Variants in XRN1 observed in about 807,000 individuals in gnomAD.
XRN1 encodes 5'-3' exoribonuclease 1, also known as strand-exchange protein 1 homolog.
Under a neutral mutation model 222.3 loss-of-function variants are expected in XRN1, and 67 were observed. That is an observed-to-expected ratio of 0.30 (90% CI 0.25 to 0.37). The LOEUF (loss-of-function observed/expected upper bound fraction) is 0.37. Among genes scored for constraint, XRN1 ranks in the 10% least tolerant of loss-of-function variants. The probability of loss-of-function intolerance (pLI) is 1.00; values close to 1 mark genes in which losing one functional copy is unlikely to be tolerated. For synonymous variants in XRN1, 643 were observed against 652.4 expected, an observed-to-expected ratio of 0.99 and a Z score of 0.22; for missense variants, 1,707 against 2,000.2, an observed-to-expected ratio of 0.85 and a Z score of 2.80.
chr3:142,432,911 A>C lies in XRN1; in HGVS notation c.76-18T>G. On this transcript the variant is annotated intron_variant, in intron 1 of 40. Coordinates refer to ENST00000392981, the MANE Select transcript of XRN1 (RefSeq NM_001282857.2). ...TCAGGAATCTGAAAAACAAAGAAAA[A>C]TGCTTGAGATCATTTATTTTAATCA... The C allele has an allele frequency of 6.4e-7, 1 of 1,562,816 alleles. No homozygotes were observed. The highest frequency in any genetic ancestry group is 1.1e-5 in the South Asian group (1 of 87,646).
rs535210388 is a variant in XRN1, at chr3:142,394,617, C to T, written c.2339+2712G>A. 2.0e-5 allele frequency among the ~76,000 whole-genome samples: 3 copies of T among 152,320 alleles called. No homozygotes were observed. In the South Asian group the frequency reaches 6.2e-4, roughly 32 times the overall value. ...GCTTTCCCCATGCCAAACACACAAA[C>T]CAACTTATATTTGCTTCCCATACTG... On this transcript the variant is annotated intron_variant, in intron 20 of 40. Transcript: ENST00000392981.
At chr3:142,420,900 A>G (rs2069000713) in intron 10 of XRN1, 116 bp downstream of exon 10, 1 of 1,322,046 alleles carries the variant, frequency 7.6e-7, no homozygotes, top group Non-Finnish European at 1.1e-6. Flanking sequence ...GCCTATAGAG[A>G]GGAAGAGAAA....
intron 33 of XRN1, among the ~76,000 whole-genome samples, chr3:142,340,771 A>G (rs1001762892): frequency 6.6e-6 from 1 of 152,220 alleles, no homozygotes; most frequent in Non-Finnish European, 1.5e-5. Context: ...GTGGCATGAC[A>G]TATTTAAAGA....
intron 29 of XRN1, among the ~76,000 whole-genome samples, chr3:142,363,666 GTTTACTCTAGCTTTGTAAAT>G (rs1179145457): frequency 3.9e-4 from 27 of 68,508 alleles, no homozygotes; most frequent in East Asian, 7.1e-4. Context: ...GCTTTGTAAA[GTTTACTCTAGCTTTGTAAAT>G]TTTACTCTAG....
At chr3:142,379,962 G>C (rs2067253541) in intron 23 of XRN1, 120 bp downstream of exon 23, 1 of 749,144 alleles carries the variant, frequency 1.3e-6, no homozygotes, top group Non-Finnish European at 2.1e-6. Context: ...AACTGGGAGA[G>C]AGAATCTAAT....
In XRN1 at chr3:142,426,829, C is replaced by T. The variant is rs1455485080; in HGVS notation, c.321G>A (p.Glu107=). 5.0e-6 allele frequency: 8 copies of T among 1,613,288 alleles called. No individual in the cohort carries two copies. ...QRGRRFRSAK[E]AEDKIKKAIE... ...TTGCCTTTTTAATTTTGTCTTCTGC[C>T]TCCTTTGCTGACCTTAAAGGTTAAG... The change falls in exon 3 of 41, where the codon GAG becomes GAA. Residue 107 remains glutamate, a synonymous_variant. Coordinates refer to ENST00000392981, the MANE Select transcript of XRN1 (RefSeq NM_001282857.2).
chr3:142,364,012 C>A (rs771841034), intron 29 of XRN1, among the ~76,000 whole-genome samples: 2 of 152,204 alleles, frequency 1.3e-5, no homozygotes, highest in Admixed American at 1.3e-4. Context: ...TACAGAACCA[C>A]TGTTCAAATT....
At position 142,418,869 on chromosome 3, in the gene XRN1, A is replaced by C; in HGVS notation, c.1186T>G (p.Ser396Ala). 1 of 1,613,942 alleles carries C rather than the reference A, an allele frequency of 6.2e-7. No homozygotes were observed. Among genetic ancestry groups the C allele is most frequent in the Non-Finnish European group, 8.5e-7 (1 of 1,179,902 alleles). The part of the protein sequence containing the change: ...EKKKLKGQEN[S>A]LCWTALDKNE... ...TTGTCTAAAGCAGTCCAACACAGAG[A>C]ATTTTCCTGGCCCTGTAAATTGTAA... The change falls in exon 11 of 41, where the codon TCT (serine) becomes GCT (alanine). Residue 396 changes from serine to alanine, a missense_variant. Physicochemically the swap from Ser to Ala is moderately conservative, Grantham distance 99. Around this residue, in one of 2 missense-constraint regions of XRN1, gnomAD observed 1,234 missense variants for 1,518.2 expected, o/e 0.81. Transcript: ENST00000392981.
chr3:142,437,491 T>C (rs1190525341), intron 1 of XRN1, among the ~76,000 whole-genome samples: 2 of 152,204 alleles, frequency 1.3e-5, no homozygotes, highest in African/African-American at 4.8e-5. Context: ...CATAGGATAC[T>C]ACAAATCCTT....
chr3:142,409,173 T>C (rs915670645), intron 15 of XRN1, among the ~76,000 whole-genome samples: 3 of 152,218 alleles, frequency 2.0e-5, no homozygotes, highest in Non-Finnish European at 2.9e-5. Flanking sequence ...TAGCATCTTT[T>C]GATAAATGGA....
intron 10 of XRN1, among the ~76,000 whole-genome samples, chr3:142,420,620 T>C (rs1430471258): frequency 1.3e-5 from 2 of 151,930 alleles, no homozygotes; most frequent in African/African-American, 4.8e-5. Flanking sequence ...AATCCACCCA[T>C]TTTGCCTCCC....
chr3:142,326,901 T>C (rs1485196119), intron 37 of XRN1, among the ~76,000 whole-genome samples: 2 of 152,172 alleles, frequency 1.3e-5, no homozygotes, highest in African/African-American at 2.4e-5. Flanking sequence ...TGTTCTTCAT[T>C]TTGTTGATGT....
chr3:142,443,148 C>T (rs927031152), intron 1 of XRN1, among the ~76,000 whole-genome samples: 30 of 152,130 alleles, frequency 2.0e-4, no homozygotes, highest in East Asian at 1.9e-4. Context: ...TAAGATCTAC[C>T]GCGGACCCCT....
chr3:142,355,643 T>C, intron 31 of XRN1, 147 bp from the exon 32 acceptor site: 1 of 505,384 alleles, frequency 2.0e-6, no homozygotes. Flanking sequence ...CTTACTCATG[T>C]GGGGTCTTGC....
At chr3:142,363,686 T>G (rs368596893) in intron 29 of XRN1, among the ~76,000 whole-genome samples, 246 of 144,302 alleles carry the variant, frequency 1.7e-3, no homozygotes, top group African/African-American at 5.0e-3. Flanking sequence ...GCTTTGTAAA[T>G]TTTACTCTAG....
rs748784533 is a variant in XRN1, at chr3:142,332,949, T to C, written c.4062+18A>G. Reference sequence around the variant, plus strand: ...TCGAGAAATTACCACAGTAAGAAAGTTCCTACAAAATACGAACCATGGCAA... The same window carrying C: ...TCGAGAAATTACCACAGTAAGAAAGCTCCTACAAAATACGAACCATGGCAA... On this transcript the variant is annotated intron_variant, in intron 35 of 40. Coordinates refer to ENST00000392981, the MANE Select transcript of XRN1 (RefSeq NM_001282857.2). 6.2e-7 allele frequency: 1 copy of C among 1,611,388 alleles called. No homozygotes were observed. Among genetic ancestry groups the C allele is most frequent in the Non-Finnish European group, 8.5e-7 (1 of 1,178,982 alleles).
At chr3:142,314,168 G>A (rs2065147008) in intron 39 of XRN1, among the ~76,000 whole-genome samples, 1 of 152,110 alleles carries the variant, frequency 6.6e-6, no homozygotes, top group Non-Finnish European at 1.5e-5. Context: ...ACTTTAAAAT[G>A]TTAATCTAAT....
chr3:142,321,877 G>A (rs2065365372), intron 37 of XRN1, among the ~76,000 whole-genome samples: 2 of 152,106 alleles, frequency 1.3e-5, no homozygotes, highest in Admixed American at 1.3e-4. Context: ...AATCTTTAGA[G>A]TTTTCTACTA....
chr3:142,340,057 C>T (rs954864811), intron 33 of XRN1, among the ~76,000 whole-genome samples: 2 of 151,508 alleles, frequency 1.3e-5, no homozygotes, highest in African/African-American at 4.8e-5. Flanking sequence ...CTTGAATGGG[C>T]CATTTGAAAA....
Sources: gnomAD v4.1 joint callset for allele counts (sites outside exome capture counted in the v4.1 genomes callset) on GRCh38, gnomAD v4.1.1 for gene constraint, gnomAD v4.1.1 regional missense constraint, MANE v1.5 for transcripts, NCBI Gene and HGNC (gene_info 2026-07-23, HGNC 2026-07-21) for gene names.